Variants in ASIC2 observed in about 807,000 individuals in gnomAD.
ASIC2 encodes the protein acid-sensing ion channel 2.
In ASIC2, 25 loss-of-function variants were observed where a neutral mutation model predicts 57.3. The observed-to-expected ratio is 0.44, with a 90% CI of 0.32 to 0.61. The LOEUF (loss-of-function observed/expected upper bound fraction) is 0.61, where lower values mean the gene tolerates loss of function less well. ASIC2 is among the 20% of genes least tolerant of loss of function. The pLI is 0.06. For synonymous variants in ASIC2, 319 were observed against 307.5 expected (o/e 1.04, Z -0.39); for missense variants, 641 against 738.1 (o/e 0.87, Z 1.52).
At chr17:33,455,540 G>A (rs570877772) in intron 1 of ASIC2, among the ~76,000 whole-genome samples, 105 of 152,348 alleles carry the variant, frequency 6.9e-4, no homozygotes, top group African/African-American at 2.5e-3. Context: ...TTTTATGGCT[G>A]CATAATATTC....
At chr17:33,390,101 T>C (rs1420659149) in intron 1 of ASIC2, among the ~76,000 whole-genome samples, 4 of 151,990 alleles carry the variant, frequency 2.6e-5, no homozygotes, top group African/African-American at 9.7e-5. Context: ...TCACTTGAGG[T>C]CAGGAGTTTG....
chr17:33,265,501 C>T (rs1433316091), intron 1 of ASIC2, among the ~76,000 whole-genome samples: 1 of 151,980 alleles, frequency 6.6e-6, no homozygotes, highest in African/African-American at 2.4e-5. Flanking sequence ...CACACTGGGG[C>T]CTGTTGGGGG....
At chr17:33,535,346 C>T (rs964241450) in intron 1 of ASIC2, among the ~76,000 whole-genome samples, 4 of 150,974 alleles carry the variant, frequency 2.6e-5, no homozygotes, top group Admixed American at 1.3e-4. Context: ...GATCTCGGCT[C>T]ACTGCAAGCT....
intron 1 of ASIC2, among the ~76,000 whole-genome samples, chr17:33,889,297 G>A (rs560441586): frequency 2.6e-5 from 4 of 152,192 alleles, no homozygotes; most frequent in Non-Finnish European, 5.9e-5. Flanking sequence ...CTAAAGTCAC[G>A]GTTGCTACTT....
intron 1 of ASIC2, among the ~76,000 whole-genome samples, chr17:34,011,142 C>T (rs1597972875): frequency 1.3e-5 from 2 of 151,656 alleles, no homozygotes; most frequent in South Asian, 4.2e-4. Context: ...CACACACACA[C>T]ACACATAGAC....
At chr17:33,288,188 G>A (rs1363474217) in intron 1 of ASIC2, among the ~76,000 whole-genome samples, 2 of 152,106 alleles carry the variant, frequency 1.3e-5, no homozygotes, top group Non-Finnish European at 2.9e-5. Flanking sequence ...TCTAAACAGG[G>A]TGGAAGAGGG....
chr17:33,162,532 T>C (rs1444326234), intron 1 of ASIC2, among the ~76,000 whole-genome samples: 1 of 152,270 alleles, frequency 6.6e-6, no homozygotes, highest in East Asian at 1.9e-4. Context: ...TGTCTACAAC[T>C]GAATCCCTGG....
chr17:33,226,170 C>A (rs965479022), intron 1 of ASIC2, among the ~76,000 whole-genome samples: 29 of 152,108 alleles, frequency 1.9e-4, no homozygotes, highest in Non-Finnish European at 4.1e-4. Context: ...TAGTAACAAA[C>A]CCAATTGGTT....
intron 1 of ASIC2, among the ~76,000 whole-genome samples, chr17:33,865,229 T>C (rs990312408): frequency 3.9e-5 from 6 of 152,196 alleles, no homozygotes; most frequent in African/African-American, 1.4e-4. Context: ...ATATGGTTCG[T>C]CCCCAGGAGC....
At chr17:33,819,995 G>C (rs534154124) in intron 1 of ASIC2, among the ~76,000 whole-genome samples, 4 of 152,264 alleles carry the variant, frequency 2.6e-5, no homozygotes, top group Admixed American at 6.5e-5. Context: ...ACCTCAAGGA[G>C]CTGAAAATCT....
At chr17:33,050,787 G>A (rs965402985) in intron 3 of ASIC2, among the ~76,000 whole-genome samples, 2 of 152,102 alleles carry the variant, frequency 1.3e-5, no homozygotes, top group African/African-American at 4.8e-5. Context: ...CTGCTTGGTG[G>A]TGGGGAGACT....
chr17:33,100,605 C>A (rs1279662156), intron 2 of ASIC2, among the ~76,000 whole-genome samples: 3 of 152,222 alleles, frequency 2.0e-5, no homozygotes, highest in Non-Finnish European at 4.4e-5. Context: ...ATGCTTGGCA[C>A]TCCTTGGACA....
intron 1 of ASIC2, among the ~76,000 whole-genome samples, chr17:33,945,552 A>G (rs190152179): frequency 9.8e-5 from 15 of 152,336 alleles, no homozygotes; most frequent in Admixed American, 7.2e-4. Context: ...AGGCTTAGAC[A>G]TGGCAAGCAG....
intron 1 of ASIC2, among the ~76,000 whole-genome samples, chr17:33,886,520 T>C (rs1411800663): frequency 3.3e-5 from 5 of 151,902 alleles, no homozygotes; most frequent in African/African-American, 4.8e-5. Flanking sequence ...CACACACATA[T>C]ACACACACAC....
rs79595782 is a variant in ASIC2, at chr17:33,507,302, T to C, written c.556-395235A>G. ...AGGGCCCACAGACTCTATGCTGAGA[T>C]ACAGAGACAGCCGCAGCTTGGCCTT... is the stretch of plus-strand genomic sequence containing the variant. On this transcript the variant is annotated intron_variant, in intron 1 of 9. Coordinates refer to the ASIC2 transcript ENST00000359872. 8.6e-3 allele frequency among the ~76,000 whole-genome samples: 1,306 copies of C among 152,340 alleles called. 8 individuals carry two copies. The highest frequency in any genetic ancestry group is 0.012 in the Non-Finnish European group (784 of 68,036).
intron 1 of ASIC2, among the ~76,000 whole-genome samples, chr17:33,740,593 T>C (rs1042755599): frequency 4.6e-5 from 7 of 152,042 alleles, no homozygotes; most frequent in African/African-American, 1.5e-4. Context: ...AAGATGAGAT[T>C]TGGGTGCGGA....
intron 1 of ASIC2, among the ~76,000 whole-genome samples, chr17:33,260,862 G>C (rs905492021): frequency 2.0e-5 from 3 of 152,180 alleles, no homozygotes; most frequent in Non-Finnish European, 4.4e-5. Context: ...AGCTTGGGCC[G>C]ACCAAACGCT....
chr17:33,987,414 C>T (rs538845177), intron 1 of ASIC2, among the ~76,000 whole-genome samples: 1 of 152,234 alleles, frequency 6.6e-6, no homozygotes, highest in African/African-American at 2.4e-5. Context: ...GTTTGCAATC[C>T]CTAGCAACAC....
intron 1 of ASIC2, among the ~76,000 whole-genome samples, chr17:33,899,254 C>T (rs891224789): frequency 2.6e-5 from 4 of 152,090 alleles, no homozygotes; most frequent in African/African-American, 7.2e-5. Flanking sequence ...CATGACAGGG[C>T]GATGCTGCTG....
Sources: gnomAD v4.1 joint callset for allele counts (sites outside exome capture counted in the v4.1 genomes callset) on GRCh38, gnomAD v4.1.1 for gene constraint, MANE v1.5 for transcripts, NCBI Gene and HGNC (gene_info 2026-07-23, HGNC 2026-07-21) for gene names.